COBL: variants seen among roughly 807,000 people sequenced by gnomAD.
The protein encoded by COBL is cordon-bleu WH2 repeat protein.
In COBL, 51 loss-of-function variants were observed where a neutral mutation model predicts 98.8. That is an observed-to-expected ratio of 0.52 (90% CI 0.41 to 0.65). The LOEUF is 0.65. COBL is among the 30% of genes least tolerant of loss of function. The pLI is 0.00. For missense variants in COBL, 1,617 were observed against 1,617.5 expected (o/e 1.00, Z 0.01); for synonymous variants, 634 against 651.7 (o/e 0.97, Z 0.41).
At chr7:51,206,273 C>A (rs1791693741) in intron 2 of COBL, among the ~76,000 whole-genome samples, 1 of 152,116 alleles carries the variant, frequency 6.6e-6, no homozygotes, top group Non-Finnish European at 1.5e-5. Flanking sequence ...GGGTGGATCA[C>A]CTGAGGTCAA....
chr7:51,230,671 A>C (rs545525975), intron 1 of COBL, among the ~76,000 whole-genome samples: 2 of 152,314 alleles, frequency 1.3e-5, no homozygotes, highest in Non-Finnish European at 2.9e-5. Context: ...GGACGGCTCC[A>C]TCTGGCCATT....
intron 7 of COBL, among the ~76,000 whole-genome samples, chr7:51,082,672 T>A (rs1793780543): frequency 6.6e-6 from 1 of 152,166 alleles, no homozygotes; most frequent in African/African-American, 2.4e-5. Context: ...GAGTGCGATC[T>A]CTACAGGTGT....
intron 1 of COBL, among the ~76,000 whole-genome samples, chr7:51,274,594 G>C (rs1799115111): frequency 6.6e-6 from 1 of 152,224 alleles, no homozygotes; most frequent in Admixed American, 6.5e-5. Context: ...TACTATGGAA[G>C]GCTGAGCCTC....
chr7:51,027,972 G>A lies in COBL; in HGVS notation c.3124C>T (p.Arg1042Cys), dbSNP rs370348190. 5.4e-5 allele frequency: 87 copies of A among 1,606,420 alleles called. No homozygotes were observed. The highest frequency in any genetic ancestry group is 1.2e-4 in the South Asian group (11 of 89,614). Residue 1042 changes from arginine (R) to cysteine (C), a missense_variant, in exon 10 of 13, where the codon CGC becomes TGC. Arg to Cys is a radical substitution (Grantham distance 180). This residue lies in a region of COBL where 1,304 missense variants were observed against 1,282.0 expected (regional missense o/e 1.02). Coordinates refer to ENST00000265136, the MANE Select transcript of COBL (RefSeq NM_015198.5). Reference sequence around the variant, plus strand: ...GAAGGCTCGCCGTGGCCTGGGGCGCGCACAGAGCCATTGACCAGCTCCCTG... The same window carrying A: ...GAAGGCTCGCCGTGGCCTGGGGCGCACACAGAGCCATTGACCAGCTCCCTG... ...CSRELVNGSV[R>C]APGHGEPSHP...
At chr7:51,200,817 A>T (rs1337886868) in intron 2 of COBL, among the ~76,000 whole-genome samples, 3 of 152,228 alleles carry the variant, frequency 2.0e-5, no homozygotes, top group African/African-American at 7.2e-5. Flanking sequence ...CTCTCCAATC[A>T]AAAGAAATAC....
intron 1 of COBL, chr7:51,260,174 A>G: frequency 2.1e-6 from 2 of 960,378 alleles, no homozygotes; most frequent in South Asian, 2.8e-5. Context: ...TTATCTTTCT[A>G]GAGTTGTAGC....
At position 51,224,624 on chromosome 7, in the gene COBL, C is replaced by T. The variant is rs901803396; in HGVS notation, c.42-4680G>A. On this transcript the variant is annotated intron_variant, in intron 1 of 12. Transcript: ENST00000265136. ...GGAGAAGACGCTAAAACAGCATGCCCGGGCTAGGGACAACTGACAGACAGC... is the reference window on the plus strand; with the variant it reads ...GGAGAAGACGCTAAAACAGCATGCCTGGGCTAGGGACAACTGACAGACAGC... 2.6e-5 allele frequency among the ~76,000 whole-genome samples: 4 copies of T among 152,132 alleles called. No homozygotes were observed. In the South Asian group the frequency reaches 6.2e-4, roughly 24 times the overall value.
intron 1 of COBL, among the ~76,000 whole-genome samples, chr7:51,310,058 T>C (rs1452407344): frequency 6.6e-6 from 1 of 152,016 alleles, no homozygotes; most frequent in Non-Finnish European, 1.5e-5. Context: ...AAACAAAGAG[T>C]GGCAAATCCA....
chr7:51,059,638 T>G (rs1791119381), intron 7 of COBL, among the ~76,000 whole-genome samples: 2 of 64,738 alleles, frequency 3.1e-5, no homozygotes, highest in African/African-American at 1.3e-4. Context: ...ACAAGCCTGG[T>G]CAGGTAGGGG....
intron 7 of COBL, among the ~76,000 whole-genome samples, chr7:51,078,362 T>C (rs567699565): frequency 9.2e-5 from 14 of 152,270 alleles, no homozygotes; most frequent in South Asian, 6.2e-4. Flanking sequence ...CACAGACCCA[T>C]TGCTCCCAGC....
At position 51,292,218 on chromosome 7, in the gene COBL, G is replaced by T. The variant is rs573811107; in HGVS notation, c.41+24375C>A. ...CCAAAGCTCATTAATGGACCCATAC[G>T]ATTTCTTTACTATGTTCTCTGCTTT... On this transcript the variant is annotated intron_variant, in intron 1 of 12. Coordinates refer to ENST00000265136, the MANE Select transcript of COBL (RefSeq NM_015198.5). Among the ~76,000 whole-genome samples, 24 of 151,150 alleles carry T rather than the reference G, an allele frequency of 1.6e-4. No homozygotes were observed. The South Asian group carries it at 4.0e-3, about 25-fold the overall frequency.
chr7:51,222,050 G>T (rs890851433), intron 1 of COBL, among the ~76,000 whole-genome samples: 1 of 152,136 alleles, frequency 6.6e-6, no homozygotes, highest in Non-Finnish European at 1.5e-5. Flanking sequence ...TTAGCCAGGC[G>T]TGGTGGCAGA....
chr7:51,206,491 C>CAA (rs1216887855), intron 2 of COBL, among the ~76,000 whole-genome samples: 4 of 101,266 alleles, frequency 3.9e-5, no homozygotes, highest in Admixed American at 1.1e-4. Flanking sequence ...GACTCTGTCT[C>CAA]AAAAAAAAAA....
At chr7:51,170,378 T>C (rs1009977555) in intron 5 of COBL, among the ~76,000 whole-genome samples, 5 of 151,768 alleles carry the variant, frequency 3.3e-5, no homozygotes, top group African/African-American at 1.2e-4. Context: ...ATAAAGGTGC[T>C]AAAACCTATT....
chr7:51,130,848 T>A (rs982468688), intron 6 of COBL, among the ~76,000 whole-genome samples: 5 of 152,274 alleles, frequency 3.3e-5, no homozygotes, highest in African/African-American at 1.2e-4. Flanking sequence ...ATGCTTTCCA[T>A]TAAATGTCTA....
intron 1 of COBL, among the ~76,000 whole-genome samples, chr7:51,296,152 G>T (rs73697843): frequency 7.4e-4 from 112 of 152,270 alleles, no homozygotes; most frequent in African/African-American, 2.6e-3. Context: ...TTAGAGATCA[G>T]TCCTCCCTTC....
At chr7:51,186,787 T>C (rs1357102028) in intron 4 of COBL, among the ~76,000 whole-genome samples, 1 of 152,198 alleles carries the variant, frequency 6.6e-6, no homozygotes, top group Admixed American at 6.5e-5. Flanking sequence ...ATGAGGCCTC[T>C]AGAGGCTTGG....
intron 6 of COBL, among the ~76,000 whole-genome samples, chr7:51,097,807 A>G (rs1224065718): frequency 1.3e-5 from 2 of 152,128 alleles, no homozygotes; most frequent in Non-Finnish European, 2.9e-5. Flanking sequence ...GTGGATCACA[A>G]GGTCAGCAGA....
chr7:51,262,873 C>T, intron 1 of COBL, among the ~76,000 whole-genome samples: 1 of 152,078 alleles, frequency 6.6e-6, no homozygotes, highest in East Asian at 1.9e-4. Flanking sequence ...AGGGCAGGGC[C>T]CAGAGGCATT....
Sources: allele counts gnomAD v4.1 joint callset (sites outside exome capture counted in the v4.1 genomes callset), GRCh38; gene constraint gnomAD v4.1.1; regional missense constraint gnomAD v4.1.1; transcripts MANE v1.5; gene names NCBI Gene and HGNC (gene_info 2026-07-23, HGNC 2026-07-21).